Variants in NOS2 observed in about 807,000 individuals in gnomAD.
The protein encoded by NOS2 is nitric oxide synthase, inducible.
In NOS2, 96 loss-of-function variants were observed where a neutral mutation model predicts 136.0. That is an observed-to-expected ratio of 0.71 (90% confidence interval 0.60 to 0.84). The LOEUF (loss-of-function observed/expected upper bound fraction) is 0.84. Among genes scored for constraint, NOS2 ranks in the 40% least tolerant of loss-of-function variants. The probability of loss-of-function intolerance (pLI) is 0.00; values close to 1 mark genes in which losing one functional copy is unlikely to be tolerated. For synonymous variants in NOS2, 539 were observed against 587.5 expected, an observed-to-expected ratio of 0.92 and a Z score of 1.20; for missense variants, 1,237 against 1,496.9, an observed-to-expected ratio of 0.83 and a Z score of 2.87.
At chr17:27,779,149 T>G in intron 9 of NOS2, 93 bp from the exon 10 acceptor site, 1 of 1,026,364 alleles carries the variant, frequency 9.7e-7, no homozygotes, top group Non-Finnish European at 1.3e-6. Flanking sequence ...GCTCTGTTGC[T>G]CATGCTGGAG....
chr17:27,793,853 T>C, intron 2 of NOS2: 1 of 363,748 alleles, frequency 2.7e-6, no homozygotes. Flanking sequence ...CTGCCCCTCC[T>C]TCCCTGCCTT....
intron 2 of NOS2, among the ~76,000 whole-genome samples, chr17:27,795,354 G>A (rs756595125): frequency 6.6e-6 from 1 of 152,204 alleles, no homozygotes; most frequent in Non-Finnish European, 1.5e-5. Context: ...ACTCAATCTT[G>A]TAAAACAAGG....
chr17:27,759,082 C>T lies in NOS2; in HGVS notation c.3160-7G>A, dbSNP rs369333006. Reference sequence around the variant, plus strand: ...GGATGTCCTGAACATAGACCTGAAACCAGAGGAAACAGTGGGTTCAGTCCT... The same window carrying T: ...GGATGTCCTGAACATAGACCTGAAATCAGAGGAAACAGTGGGTTCAGTCCT... On this transcript the variant is annotated splice_region_variant and splice_polypyrimidine_tract_variant and intron_variant, in intron 25 of 26. Transcript: ENST00000313735. 4 of 1,575,242 alleles carry T rather than the reference C, an allele frequency of 2.5e-6. No homozygotes were observed. The highest frequency in any genetic ancestry group is 3.4e-6 in the Non-Finnish European group (4 of 1,161,448).
intron 16 of NOS2, 49 bp from the exon 17 acceptor site, chr17:27,769,200 G>GGCACCCA (rs759091643): frequency 7.2e-6 from 11 of 1,538,452 alleles, no homozygotes; most frequent in East Asian, 2.3e-5. Context: ...AGCAGCACCT[G>GGCACCCA]GCACCCAGCA....
At chr17:27,786,886 G>T (rs560136034) in intron 5 of NOS2, among the ~76,000 whole-genome samples, 35 of 152,278 alleles carry the variant, frequency 2.3e-4, no homozygotes, top group African/African-American at 8.2e-4. Flanking sequence ...CAATAAAATT[G>T]GCAAATGACA....
intron 9 of NOS2, among the ~76,000 whole-genome samples, chr17:27,780,244 A>G (rs183357652): frequency 2.0e-5 from 3 of 152,326 alleles, no homozygotes; most frequent in Admixed American, 2.0e-4. Flanking sequence ...GTCAGGACTG[A>G]ATTTGGTTCA....
chr17:27,782,405 AC>A (rs1425826585), intron 6 of NOS2, among the ~76,000 whole-genome samples: 2 of 152,152 alleles, frequency 1.3e-5, no homozygotes, highest in Non-Finnish European at 2.9e-5. Context: ...ACTTGAAAGC[AC>A]CATGAATCGG....
intron 19 of NOS2, 21 bp from the exon 20 acceptor site, chr17:27,765,737 C>A: frequency 1.3e-6 from 2 of 1,579,762 alleles, no homozygotes; most frequent in Non-Finnish European, 1.7e-6. Flanking sequence ...AAAATGAAGC[C>A]TCAGGTGACA....
chr17:27,762,690 G>A, intron 22 of NOS2, 108 bp downstream of exon 22: 1 of 797,232 alleles, frequency 1.3e-6, no homozygotes, highest in Non-Finnish European at 2.0e-6. Flanking sequence ...TGGGCTGTGG[G>A]TGTTCCCTCC....
intron 2 of NOS2, among the ~76,000 whole-genome samples, chr17:27,797,149 A>G (rs1909378599): frequency 6.6e-6 from 1 of 152,042 alleles, no homozygotes; most frequent in South Asian, 2.1e-4. Context: ...CCTCTTCCTG[A>G]ATGTCCTTGC....
chr17:27,764,902 T>C (rs909909558), intron 20 of NOS2, among the ~76,000 whole-genome samples: 3 of 152,232 alleles, frequency 2.0e-5, no homozygotes, highest in Non-Finnish European at 4.4e-5. Context: ...GGCAACTGTC[T>C]TGTCGTCCCC....
chr17:27,780,946 G>T lies in NOS2; in HGVS notation c.865-40C>A, dbSNP rs1321967767. On this transcript the variant is annotated intron_variant, in intron 8 of 26. Transcript: ENST00000313735. ...GGGCCCTGTGAGTCTGTAAGCCCGGGCTGCGTGTCTCCTCTGGGCTCCACT... is the reference window on the plus strand; with the variant it reads ...GGGCCCTGTGAGTCTGTAAGCCCGGTCTGCGTGTCTCCTCTGGGCTCCACT... The T allele has an allele frequency of 3.1e-6, 5 of 1,599,438 alleles. No homozygotes were observed. In the East Asian group the frequency reaches 1.1e-4, roughly 36 times the overall value.
chr17:27,791,797 C>T (rs146921109), intron 2 of NOS2, among the ~76,000 whole-genome samples: 123 of 118,866 alleles, frequency 1.0e-3, no homozygotes, highest in African/African-American at 3.6e-3. Flanking sequence ...CAAAACAAAA[C>T]AAAACAAAAA....
At chr17:27,766,123 C>T (rs189000492) in intron 19 of NOS2, among the ~76,000 whole-genome samples, 15 of 152,360 alleles carry the variant, frequency 9.8e-5, no homozygotes, top group African/African-American at 3.6e-4. Context: ...ATCAATGAAA[C>T]CTGCAGATAA....
At chr17:27,785,887 G>T (rs1014012746) in intron 5 of NOS2, among the ~76,000 whole-genome samples, 11 of 143,806 alleles carry the variant, frequency 7.6e-5, no homozygotes, top group African/African-American at 2.9e-4. Flanking sequence ...TGATCCAGGA[G>T]ATCGAGGCTG....
At chr17:27,795,891 C>G (rs1485641466) in intron 2 of NOS2, among the ~76,000 whole-genome samples, 2 of 152,138 alleles carry the variant, frequency 1.3e-5, no homozygotes, top group Non-Finnish European at 2.9e-5. Flanking sequence ...CAGCTCAGGG[C>G]CCTCCCTGGA....
intron 24 of NOS2, among the ~76,000 whole-genome samples, 200 bp downstream of exon 24, chr17:27,760,423 C>A (rs367946208): frequency 6.6e-6 from 1 of 152,250 alleles, no homozygotes; most frequent in Non-Finnish European, 1.5e-5. Flanking sequence ...GTTACCTCCA[C>A]TCCCAGGAGA....
intron 18 of NOS2, 117 bp from the exon 19 acceptor site, chr17:27,766,705 G>A: frequency 2.6e-6 from 2 of 767,946 alleles, no homozygotes; most frequent in Non-Finnish European, 4.6e-6. Flanking sequence ...ATCCTGCTGA[G>A]GTGGCCGTTG....
At chr17:27,797,416 C>G (rs762970866) in intron 2 of NOS2, among the ~76,000 whole-genome samples, 3 of 152,260 alleles carry the variant, frequency 2.0e-5, no homozygotes, top group Non-Finnish European at 4.4e-5. Flanking sequence ...CCATTGTTAC[C>G]CTCTTCTTAT....
Sources: allele counts gnomAD v4.1 joint callset (sites outside exome capture counted in the v4.1 genomes callset), GRCh38; gene constraint gnomAD v4.1.1; transcripts MANE v1.5; gene names NCBI Gene and HGNC (gene_info 2026-07-23, HGNC 2026-07-21).